The following PLPP1 variants were observed in gnomAD, a reference collection of about 807,000 sequenced individuals.
PLPP1 encodes the protein lipid phosphate phosphohydrolase 1a.
Under a neutral mutation model 31.2 loss-of-function variants are expected in PLPP1, and 24 were observed. The observed-to-expected ratio is 0.77, with a 90% CI of 0.56 to 1.08. PLPP1 has a LOEUF of 1.08. PLPP1 is among the 50% of genes least tolerant of loss of function. PLPP1 has a pLI of 0.00. For synonymous variants in PLPP1, 146 were observed against 126.3 expected (o/e 1.16, Z -1.05); for missense variants, 319 against 342.7 (o/e 0.93, Z 0.55).
Position 55,529,045 on chromosome 5 carries a change from TTG to T in PLPP1, c.58+5525_58+5526del, listed in dbSNP as rs1332874181. Among the ~76,000 whole-genome samples, 8 of 151,866 alleles carry T rather than the reference TTG, an allele frequency of 5.3e-5. No individual in the cohort carries two copies. The East Asian group carries it at 1.2e-3, about 22-fold the overall frequency. On this transcript the variant is annotated intron_variant, in intron 1 of 5. Coordinates refer to ENST00000307259, the MANE Select transcript of PLPP1 (RefSeq NM_003711.4). Reference sequence around the variant, plus strand: ...AAATGAGCACCATACAAACAGGTAATTGTGTGTGTGTGTAAACTCAATTTCTA... The same window carrying T: ...AAATGAGCACCATACAAACAGGTAATTGTGTGTGTGTAAACTCAATTTCTA...
At position 55,491,158 on chromosome 5, in the gene PLPP1, T is replaced by C. The variant is rs781532139; in HGVS notation, c.59-15708A>G. ...AAAGACACACATGATTAAATTCAATTCACTTCATTAGGAAGTAAAGTCTAC... is the reference window on the plus strand; with the variant it reads ...AAAGACACACATGATTAAATTCAATCCACTTCATTAGGAAGTAAAGTCTAC... On this transcript the variant is annotated intron_variant, in intron 1 of 5. Transcript: ENST00000307259. 3.8e-6 allele frequency: 6 copies of C among 1,585,462 alleles called. No homozygotes were observed. The East Asian group carries it at 1.3e-4, about 36-fold the overall frequency.
Position 55,427,975 on chromosome 5 carries a change from C to T in PLPP1, c.550-1936G>A, listed in dbSNP as rs73124229. On this transcript the variant is annotated intron_variant, in intron 4 of 5. Transcript: ENST00000307259. ...TAATTGTCTGTATTTTTAGTAGGGACGATGTTTCACTGTGTTGGCCAGGCT... is the reference window on the plus strand; with the variant it reads ...TAATTGTCTGTATTTTTAGTAGGGATGATGTTTCACTGTGTTGGCCAGGCT... 3.6e-3 allele frequency among the ~76,000 whole-genome samples: 555 copies of T among 152,160 alleles called. 1 individual carries two copies. The highest frequency in any genetic ancestry group is 0.012 in the African/African-American group (513 of 41,520).
chr5:55,435,048 T>C lies in PLPP1; in HGVS notation c.549+6803A>G, dbSNP rs570749190. Among the ~76,000 whole-genome samples the C allele has an allele frequency of 2.0e-5, 3 of 152,122 alleles. 1 individual carries two copies. The highest frequency in any genetic ancestry group is 2.1e-4 in the South Asian group (1 of 4,816). ...ACATATAAGGAACTCAACTCAACGG[T>C]AGAAAACCAAATACTCCCATTGAAA... On this transcript the variant is annotated intron_variant, in intron 4 of 5. Transcript: ENST00000307259.
At chr5:55,468,231 A>T in intron 2 of PLPP1, 82 bp from the exon 3 acceptor site, 1 of 1,291,992 alleles carries the variant, frequency 7.7e-7, no homozygotes, top group Admixed American at 2.4e-5. Context: ...GAAAAAAGGA[A>T]ATGGTAAATC....
At chr5:55,463,727 G>A (rs935794815) in intron 3 of PLPP1, among the ~76,000 whole-genome samples, 1 of 151,300 alleles carries the variant, frequency 6.6e-6, no homozygotes, top group Non-Finnish European at 1.5e-5. Context: ...CAAGAGGATC[G>A]CTTGAACACA....
chr5:55,442,331 T>G (rs4865941), intron 3 of PLPP1, among the ~76,000 whole-genome samples: 1 of 152,030 alleles, frequency 6.6e-6, no homozygotes, highest in African/African-American at 2.4e-5. Context: ...CACTCAGAAG[T>G]TGATTGCTTT....
chr5:55,442,107 C>CA (rs1751634818), intron 3 of PLPP1, among the ~76,000 whole-genome samples, 199 bp from the exon 4 acceptor site: 1 of 152,144 alleles, frequency 6.6e-6, no homozygotes, highest in Admixed American at 6.5e-5. Flanking sequence ...GATCTCTATA[C>CA]AGTATCATTT....
At chr5:55,531,814 T>C (rs971469346) in intron 1 of PLPP1, among the ~76,000 whole-genome samples, 1 of 152,228 alleles carries the variant, frequency 6.6e-6, no homozygotes. Flanking sequence ...ACTGGTCTCC[T>C]TCACTGCTGT....
chr5:55,472,515 G>A (rs887022248), intron 2 of PLPP1, among the ~76,000 whole-genome samples: 1 of 151,982 alleles, frequency 6.6e-6, no homozygotes, highest in African/African-American at 2.4e-5. Context: ...CAAGAGAATC[G>A]CTTGAACCCA....
chr5:55,445,030 G>A (rs147005580), intron 3 of PLPP1, among the ~76,000 whole-genome samples: 10 of 152,210 alleles, frequency 6.6e-5, no homozygotes, highest in East Asian at 1.9e-4. Context: ...GATTACAGGC[G>A]TGAGCCACCG....
In PLPP1 at chr5:55,436,955, T is replaced by TAATAAGAGATCC. The variant is rs1435794062; in HGVS notation, c.549+4895_549+4896insGGATCTCTTATT. ...AAGGGGTTAACCCTCATGAAAGGGATTAATGACCTAATAAGAGATCCAGGG... is the reference window on the plus strand; with the variant it reads ...AAGGGGTTAACCCTCATGAAAGGGATAATAAGAGATCCTAATGACCTAATAAGAGATCCAGGG... On this transcript the variant is annotated intron_variant, in intron 4 of 5. Transcript: ENST00000307259. Among the ~76,000 whole-genome samples the TAATAAGAGATCC allele has an allele frequency of 2.0e-5, 3 of 152,242 alleles. No individual in the cohort carries two copies. In the East Asian group the frequency reaches 5.8e-4, roughly 29 times the overall value.
chr5:55,514,015 G>T (rs1378297081), intron 1 of PLPP1, among the ~76,000 whole-genome samples: 6 of 152,042 alleles, frequency 3.9e-5, no homozygotes, highest in African/African-American at 1.2e-4. Flanking sequence ...AGTCATTTTG[G>T]TATACAATTA....
intron 4 of PLPP1, among the ~76,000 whole-genome samples, chr5:55,439,770 G>A (rs1255207819): frequency 3.3e-5 from 5 of 152,122 alleles, no homozygotes; most frequent in African/African-American, 4.8e-5. Context: ...GTTTTGAGAA[G>A]GGTCAAGGAA....
chr5:55,468,216 AGGGGG>A, intron 2 of PLPP1, 67 bp from the exon 3 acceptor site: 1 of 1,382,062 alleles, frequency 7.2e-7, no homozygotes, highest in Non-Finnish European at 9.8e-7. Flanking sequence ...AACAAAACAT[AGGGGG>A]AAAAAAGGAA....
chr5:55,499,767 C>T (rs1753094717), intron 1 of PLPP1, among the ~76,000 whole-genome samples: 1 of 151,990 alleles, frequency 6.6e-6, no homozygotes, highest in Non-Finnish European at 1.5e-5. Context: ...ATTGACTGAG[C>T]ACCTATTATA....
chr5:55,499,220 T>C (rs184643622), intron 1 of PLPP1, among the ~76,000 whole-genome samples: 104 of 152,318 alleles, frequency 6.8e-4, no homozygotes, highest in African/African-American at 2.4e-3. Flanking sequence ...AACTGTATCA[T>C]AGATTACACA....
intron 1 of PLPP1, among the ~76,000 whole-genome samples, chr5:55,525,284 T>A (rs1753756992): frequency 6.6e-6 from 1 of 152,194 alleles, no homozygotes; most frequent in Non-Finnish European, 1.5e-5. Context: ...TTGATTCACT[T>A]AAGTCTCATT....
chr5:55,530,338 G>C lies in PLPP1; in HGVS notation c.58+4234C>G, dbSNP rs1000189854. 19 of 1,405,608 alleles carry C rather than the reference G, an allele frequency of 1.4e-5. No homozygotes were observed. The African/African-American group carries it at 2.5e-4, about 19-fold the overall frequency. 87.1% of individuals were successfully genotyped at this position (1,405,608 alleles called of 1,614,324 possible). On this transcript the variant is annotated intron_variant, in intron 1 of 5. Coordinates refer to ENST00000307259, the MANE Select transcript of PLPP1 (RefSeq NM_003711.4). Reference sequence around the variant, plus strand: ...GATACACAAATAGGACATGTCACAGGAACTATCTGAAATAAGTGATTACTG... The same window carrying C: ...GATACACAAATAGGACATGTCACAGCAACTATCTGAAATAAGTGATTACTG...
chr5:55,472,866 C>T (rs1752452378), intron 2 of PLPP1, among the ~76,000 whole-genome samples: 3 of 152,156 alleles, frequency 2.0e-5, no homozygotes, highest in South Asian at 2.1e-4. Context: ...TTTTGTCAGG[C>T]CCTGTGTAGG....
Sources: allele counts gnomAD v4.1 joint callset (sites outside exome capture counted in the v4.1 genomes callset), GRCh38; gene constraint gnomAD v4.1.1; transcripts MANE v1.5; gene names NCBI Gene and HGNC (gene_info 2026-07-23, HGNC 2026-07-21).